The following PRTFDC1 variants were observed in gnomAD, a reference collection of about 807,000 sequenced individuals.
PRTFDC1 encodes phosphoribosyl transferase domain containing 1.
A neutral mutation model predicts 34.6 loss-of-function variants in PRTFDC1; 38 were observed. That is an observed-to-expected ratio of 1.10 (90% CI 0.85 to 1.44). The LOEUF (loss-of-function observed/expected upper bound fraction) is 1.44, where lower values mean the gene tolerates loss of function less well. PRTFDC1 is among the 40% of genes most tolerant of loss of function. The probability of loss-of-function intolerance (pLI) is 0.00; values close to 1 mark genes in which losing one functional copy is unlikely to be tolerated. For missense variants in PRTFDC1, 270 were observed against 283.0 expected, an observed-to-expected ratio of 0.95 and a Z score of 0.33; for synonymous variants, 93 against 98.1, an observed-to-expected ratio of 0.95 and a Z score of 0.31.
chr10:24,915,539 G>T (rs77174083), intron 3 of PRTFDC1, among the ~76,000 whole-genome samples: 2,907 of 152,314 alleles, frequency 0.019, 105 homozygotes, highest in African/African-American at 0.067. Flanking sequence ...GGTGTCCAGA[G>T]AGGCTGCTAC....
intron 1 of PRTFDC1, 29 bp from the exon 2 acceptor site, chr10:24,942,465 A>AT (rs1399139721): frequency 4.2e-5 from 65 of 1,547,142 alleles, no homozygotes; most frequent in East Asian, 9.0e-5. Flanking sequence ...TGGTTATGGT[A>AT]TTTTTTCATC....
At chr10:24,921,119 C>A (rs1178259377) in intron 3 of PRTFDC1, among the ~76,000 whole-genome samples, 3 of 151,624 alleles carry the variant, frequency 2.0e-5, no homozygotes, top group Admixed American at 1.3e-4. Flanking sequence ...AAACAAAAAA[C>A]AAAGGTGTCA....
intron 3 of PRTFDC1, among the ~76,000 whole-genome samples, chr10:24,919,413 G>C (rs1848746023): frequency 6.6e-6 from 1 of 152,162 alleles, no homozygotes; most frequent in Non-Finnish European, 1.5e-5. Context: ...ATGGTGCTGG[G>C]AGAACTGGTT....
At chr10:24,918,267 T>C (rs1416925263) in intron 3 of PRTFDC1, among the ~76,000 whole-genome samples, 1 of 152,200 alleles carries the variant, frequency 6.6e-6, no homozygotes, top group Non-Finnish European at 1.5e-5. Flanking sequence ...TACATTCATG[T>C]TCTCTGGACC....
Position 24,911,469 on chromosome 10 carries a change from GT to G in PRTFDC1, c.339+25714del, listed in dbSNP as rs1245788250. The stretch of plus-strand genomic sequence containing the variant: ...GTACACCATTCATGGACGTACCACA[GT>G]TTTTTCATTCCTTCATCAGTTTGTG... On this transcript the variant is annotated intron_variant, in intron 3 of 8. Transcript: ENST00000320152. Among the ~76,000 whole-genome samples, 4 of 152,322 alleles carry G rather than the reference GT, an allele frequency of 2.6e-5. No homozygotes were observed. The East Asian group carries it at 5.8e-4, about 22-fold the overall frequency.
intron 3 of PRTFDC1, among the ~76,000 whole-genome samples, chr10:24,912,429 G>C (rs1249835031): frequency 6.6e-6 from 1 of 151,090 alleles, no homozygotes; most frequent in Admixed American, 6.6e-5. Context: ...CCTGGTTATA[G>C]GCATCCTCTG....
At chr10:24,851,554 C>A in intron 7 of PRTFDC1, 90 bp from the exon 8 acceptor site, 1 of 1,532,872 alleles carries the variant, frequency 6.5e-7, no homozygotes, top group Non-Finnish European at 8.7e-7. Context: ...GCCACTCAAA[C>A]TTGAGGACCT....
chr10:24,894,025 A>G (rs1588597732), intron 3 of PRTFDC1, among the ~76,000 whole-genome samples: 2 of 152,156 alleles, frequency 1.3e-5, no homozygotes, highest in South Asian at 2.1e-4. Context: ...TAGTCCTCAA[A>G]GGAAGTGTGA....
intron 6 of PRTFDC1, 143 bp from the exon 7 acceptor site, chr10:24,855,507 A>G (rs1847557907): frequency 1.1e-6 from 1 of 939,768 alleles, no homozygotes; most frequent in Non-Finnish European, 1.6e-6. Flanking sequence ...TAAAAAGAAG[A>G]CAGCAGGTCA....
intron 4 of PRTFDC1, among the ~76,000 whole-genome samples, chr10:24,863,141 G>A (rs1038300924): frequency 6.6e-6 from 1 of 152,222 alleles, no homozygotes; most frequent in African/African-American, 2.4e-5. Context: ...GCCTCCCAAA[G>A]TGCTGGGATT....
At chr10:24,950,366 A>G (rs2132626225) in intron 1 of PRTFDC1, among the ~76,000 whole-genome samples, 1 of 152,200 alleles carries the variant, frequency 6.6e-6, no homozygotes, top group South Asian at 2.1e-4. Context: ...TAATCTGAAA[A>G]TCCGAAATCC....
At chr10:24,894,145 C>G (rs937755723) in intron 3 of PRTFDC1, among the ~76,000 whole-genome samples, 1 of 152,134 alleles carries the variant, frequency 6.6e-6, no homozygotes, top group Non-Finnish European at 1.5e-5. Flanking sequence ...GCCTGGCCAA[C>G]AAGGTGAAAC....
chr10:24,937,515 G>A lies in PRTFDC1; in HGVS notation c.156-148C>T. 6 of 576,796 alleles carry A rather than the reference G, an allele frequency of 1.0e-5. No homozygotes were observed. In the South Asian group the frequency reaches 1.8e-4, roughly 18 times the overall value. 35.7% of individuals were successfully genotyped at this position (576,796 alleles called of 1,614,324 possible). On this transcript the variant is annotated intron_variant, in intron 2 of 8. Transcript: ENST00000320152. ...GAAACAGAAACCCACCGATAGAAAAGCTTTGTTAAGGTTGAACATAAGGTG... is the reference window on the plus strand; with the variant it reads ...GAAACAGAAACCCACCGATAGAAAAACTTTGTTAAGGTTGAACATAAGGTG...
intron 3 of PRTFDC1, among the ~76,000 whole-genome samples, chr10:24,919,695 C>T (rs943164262): frequency 1.3e-5 from 2 of 152,032 alleles, no homozygotes; most frequent in South Asian, 2.1e-4. Flanking sequence ...AGTGAACAGA[C>T]AACTTATAGA....
At chr10:24,851,940 G>C (rs1333781171) in intron 7 of PRTFDC1, among the ~76,000 whole-genome samples, 1 of 151,884 alleles carries the variant, frequency 6.6e-6, no homozygotes, top group Admixed American at 6.6e-5. Context: ...TCAGTGTCTT[G>C]GCTGTTTAAA....
At position 24,859,362 on chromosome 10, in the gene PRTFDC1, C is replaced by T. The variant is rs761798171; in HGVS notation, c.406-953G>A. On this transcript the variant is annotated intron_variant, in intron 4 of 8. Coordinates refer to ENST00000320152, the MANE Select transcript of PRTFDC1 (RefSeq NM_020200.7). ...GTAACCTCCGCTTCCCGGGTTCAAT[C>T]GATTCTCCCACCTCACCTTCCCACG... Among the ~76,000 whole-genome samples, 8 of 152,280 alleles carry T rather than the reference C, an allele frequency of 5.3e-5. No individual in the cohort carries two copies. The East Asian group carries it at 5.8e-4, about 11-fold the overall frequency.
At chr10:24,889,237 T>TCGTC (rs1848221987) in intron 3 of PRTFDC1, among the ~76,000 whole-genome samples, 1 of 151,964 alleles carries the variant, frequency 6.6e-6, no homozygotes, top group African/African-American at 2.4e-5. Flanking sequence ...AAGTGGGACC[T>TCGTC]CGTCTATGGC....
In PRTFDC1 at chr10:24,849,628, G is replaced by A. The variant is rs1283035518; in HGVS notation, c.*216C>T. On this transcript the variant is annotated 3_prime_UTR_variant, in exon 9 of 9. Transcript: ENST00000320152. ...AGTCACAAGGCGGAGTGTTTAATTTGGAACAAGTCAAATAAAAGCACTGCT... is the reference window on the plus strand; with the variant it reads ...AGTCACAAGGCGGAGTGTTTAATTTAGAACAAGTCAAATAAAAGCACTGCT... 7.9e-6 allele frequency: 4 copies of A among 509,204 alleles called. No individual in the cohort carries two copies. Among genetic ancestry groups the A allele is most frequent in the Non-Finnish European group, 1.0e-5 (3 of 286,022 alleles). 31.5% of individuals were successfully genotyped at this position (509,204 alleles called of 1,614,324 possible). A position where few individuals can be genotyped will look rare whatever the true frequency, so the allele number is the denominator to read the frequency against.
intron 3 of PRTFDC1, among the ~76,000 whole-genome samples, chr10:24,906,848 A>G (rs1848544126): frequency 1.3e-5 from 2 of 152,182 alleles, no homozygotes; most frequent in Admixed American, 6.5e-5. Flanking sequence ...TCTAAAAGGC[A>G]CAGGGCCAAA....
Sources: allele counts gnomAD v4.1 joint callset (sites outside exome capture counted in the v4.1 genomes callset), GRCh38; gene constraint gnomAD v4.1.1; transcripts MANE v1.5; gene names NCBI Gene and HGNC (gene_info 2026-07-23, HGNC 2026-07-21).